Variants in ITFG1 observed in about 807,000 individuals in gnomAD.
The protein encoded by ITFG1 is T-cell immunomodulatory protein.
Under a neutral mutation model 81.8 loss-of-function variants are expected in ITFG1, and 34 were observed. That is an observed-to-expected ratio of 0.42 (90% CI 0.32 to 0.55). ITFG1 has a LOEUF of 0.55. ITFG1 is among the 20% of genes least tolerant of loss of function. The probability of loss-of-function intolerance (pLI) is 0.17; values close to 1 mark genes in which losing one functional copy is unlikely to be tolerated. For missense variants in ITFG1, 672 were observed against 755.4 expected, an observed-to-expected ratio of 0.89 and a Z score of 1.29; for synonymous variants, 285 against 270.6, an observed-to-expected ratio of 1.05 and a Z score of -0.52.
intron 14 of ITFG1, among the ~76,000 whole-genome samples, chr16:47,188,006 G>A (rs979660802): frequency 6.6e-6 from 1 of 152,014 alleles, no homozygotes; most frequent in Non-Finnish European, 1.5e-5. Context: ...AAAAACACAT[G>A]AAAAAATGCT....
intron 10 of ITFG1, among the ~76,000 whole-genome samples, chr16:47,305,370 CAA>C (rs543735698): frequency 1.4e-3 from 211 of 152,042 alleles, no homozygotes; most frequent in Non-Finnish European, 1.4e-3. Context: ...TTGAGCTGAA[CAA>C]AGACATTTTT....
intron 14 of ITFG1, among the ~76,000 whole-genome samples, chr16:47,213,928 C>T (rs1272496291): frequency 6.6e-6 from 1 of 152,168 alleles, no homozygotes; most frequent in Non-Finnish European, 1.5e-5. Context: ...AATGACTGAA[C>T]TTGATGAAGG....
chr16:47,191,673 T>G lies in ITFG1; in HGVS notation c.1453+27195A>C, dbSNP rs572041256. ...ACAGGCACATACCACCATACCCAGCTAATTTTTTTGTGTTTTTAGTAGAGA... is the reference window on the plus strand; with the variant it reads ...ACAGGCACATACCACCATACCCAGCGAATTTTTTTGTGTTTTTAGTAGAGA... On this transcript the variant is annotated intron_variant, in intron 14 of 17. Transcript: ENST00000320640. Among the ~76,000 whole-genome samples, 3 of 152,268 alleles carry G rather than the reference T, an allele frequency of 2.0e-5. No individual in the cohort carries two copies. The East Asian group carries it at 5.8e-4, about 29-fold the overall frequency.
chr16:47,343,163 A>T (rs1259497803), intron 8 of ITFG1, among the ~76,000 whole-genome samples: 1 of 152,140 alleles, frequency 6.6e-6, no homozygotes, highest in Non-Finnish European at 1.5e-5. Context: ...AATGGAATAT[A>T]ATTTACAGTC....
intron 5 of ITFG1, among the ~76,000 whole-genome samples, chr16:47,441,095 C>A (rs1234787061): frequency 6.6e-6 from 1 of 152,102 alleles, no homozygotes; most frequent in Non-Finnish European, 1.5e-5. Flanking sequence ...TGGATAAATT[C>A]CTCGACACAT....
chr16:47,329,712 C>T (rs1238417231), intron 8 of ITFG1, among the ~76,000 whole-genome samples: 1 of 151,890 alleles, frequency 6.6e-6, no homozygotes, highest in Non-Finnish European at 1.5e-5. Flanking sequence ...GTGTTATTAT[C>T]CTATATTATG....
intron 8 of ITFG1, among the ~76,000 whole-genome samples, chr16:47,331,541 C>T (rs1028412340): frequency 1.3e-5 from 2 of 152,096 alleles, no homozygotes; most frequent in Non-Finnish European, 1.5e-5. Context: ...TTACAGTGAA[C>T]GTTGATAAAA....
At position 47,225,892 on chromosome 16, in the gene ITFG1, G is replaced by A. The variant is rs184642324; in HGVS notation, c.1375-6946C>T. On this transcript the variant is annotated intron_variant, in intron 13 of 17. Transcript: ENST00000320640. ...AAGGTAACTCTAAGTATTCTGCGAA[G>A]ACGAAGTTGGAAAAAAAAAAGGAAC... Among the ~76,000 whole-genome samples the A allele has an allele frequency of 9.7e-4, 147 of 151,872 alleles. 1 individual carries two copies. Among genetic ancestry groups the A allele is most frequent in the Middle Eastern group, 6.8e-3 (2 of 294 alleles).
At chr16:47,196,883 T>C (rs547415953) in intron 14 of ITFG1, among the ~76,000 whole-genome samples, 10 of 152,216 alleles carry the variant, frequency 6.6e-5, no homozygotes, top group African/African-American at 2.4e-4. Flanking sequence ...TGAGCCGAGA[T>C]TGTGCCACTG....
chr16:47,155,569 C>T lies in ITFG1; in HGVS notation c.*150G>A. 1 of 604,172 alleles carries T rather than the reference C, an allele frequency of 1.7e-6. No homozygotes were observed. The allele number at this position is 604,172 out of a possible 1,614,324, so 37.4% of individuals were successfully genotyped here. ...AAAAAAAAAGACCTTGTGACATATT[C>T]AAACCATATTTATTTGAATACTTTC... On this transcript the variant is annotated 3_prime_UTR_variant, in exon 18 of 18. Transcript: ENST00000320640.
intron 10 of ITFG1, among the ~76,000 whole-genome samples, chr16:47,307,846 T>C (rs1967194763): frequency 6.6e-6 from 1 of 152,122 alleles, no homozygotes; most frequent in Admixed American, 6.5e-5. Flanking sequence ...AATTTTTATG[T>C]CCATGAGTAT....
intron 6 of ITFG1, among the ~76,000 whole-genome samples, chr16:47,387,696 A>G (rs1968479951): frequency 6.6e-6 from 1 of 152,160 alleles, no homozygotes; most frequent in African/African-American, 2.4e-5. Context: ...AAACCTTCTC[A>G]TACCTTCTTG....
At position 47,396,629 on chromosome 16, in the gene ITFG1, ATATTTGCAAG is replaced by A. The variant is rs369441643; in HGVS notation, c.656-20699_656-20690del. Among the ~76,000 whole-genome samples the A allele has an allele frequency of 7.5e-3, 1,137 of 152,150 alleles. 18 individuals are homozygous for A. The highest frequency in any genetic ancestry group is 0.026 in the African/African-American group (1,077 of 41,484). On this transcript the variant is annotated intron_variant, in intron 6 of 17. Transcript: ENST00000320640. ...TGTGAGAGAATGAGAGAAGCCAAGC[ATATTTGCAAG>A]AGAGGGTTAGTAATAATTTACCATG...
At chr16:47,446,301 C>T (rs1269691499) in intron 5 of ITFG1, among the ~76,000 whole-genome samples, 2 of 152,158 alleles carry the variant, frequency 1.3e-5, no homozygotes, top group African/African-American at 4.8e-5. Flanking sequence ...CCTCATGAAT[C>T]ACTCACTCTG....
intron 6 of ITFG1, among the ~76,000 whole-genome samples, chr16:47,421,357 G>C (rs1397329782): frequency 6.6e-6 from 1 of 151,746 alleles, no homozygotes; most frequent in Non-Finnish European, 1.5e-5. Flanking sequence ...CCAGGCTGGA[G>C]AGCAGTGGCG....
chr16:47,378,837 C>T (rs753295888), intron 6 of ITFG1, among the ~76,000 whole-genome samples: 6 of 152,004 alleles, frequency 3.9e-5, no homozygotes, highest in Non-Finnish European at 8.8e-5. Flanking sequence ...GAAGAAACTC[C>T]TAAAGAAAAT....
At position 47,368,263 on chromosome 16, in the gene ITFG1, C is replaced by T. The variant is rs185703592; in HGVS notation, c.721-2394G>A. Among the ~76,000 whole-genome samples the T allele has an allele frequency of 1.5e-4, 21 of 137,540 alleles. No individual in the cohort carries two copies. The East Asian group carries it at 4.5e-3, about 30-fold the overall frequency. The allele number at this position is 137,540 out of a possible 152,430, so 90.2% of individuals were successfully genotyped here. A position where few individuals can be genotyped will look rare whatever the true frequency, so the allele number is the denominator to read the frequency against. ...AAAAAAAAAAAAAAAAAAAAGATCACAGCATTGGCCGGGCATGGTGGCTCA... is the reference window on the plus strand; with the variant it reads ...AAAAAAAAAAAAAAAAAAAAGATCATAGCATTGGCCGGGCATGGTGGCTCA... On this transcript the variant is annotated intron_variant, in intron 7 of 17. Coordinates refer to ENST00000320640, the MANE Select transcript of ITFG1 (RefSeq NM_030790.5).
chr16:47,444,063 A>G (rs561536717), intron 5 of ITFG1, among the ~76,000 whole-genome samples: 2 of 152,278 alleles, frequency 1.3e-5, no homozygotes, highest in South Asian at 2.1e-4. Flanking sequence ...TTCTGCGAGA[A>G]TGAGTGTGAC....
intron 8 of ITFG1, among the ~76,000 whole-genome samples, chr16:47,352,750 C>T (rs1230519024): frequency 1.3e-5 from 2 of 152,152 alleles, no homozygotes; most frequent in Non-Finnish European, 2.9e-5. Flanking sequence ...TATAAAGACA[C>T]ATGCACACAT....
Sources: allele counts gnomAD v4.1 joint callset (sites outside exome capture counted in the v4.1 genomes callset), GRCh38; gene constraint gnomAD v4.1.1; transcripts MANE v1.5; gene names NCBI Gene and HGNC (gene_info 2026-07-23, HGNC 2026-07-21).